NCALD: variants seen among roughly 807,000 people sequenced by gnomAD.
NCALD encodes neurocalcin-delta.
A neutral mutation model predicts 18.6 loss-of-function variants in NCALD; 10 were observed. The ratio of observed to expected loss-of-function variants is 0.54; its 90% CI spans 0.33 to 0.91. NCALD has a LOEUF of 0.91. NCALD is among the 40% of genes least tolerant of loss of function. The probability of loss-of-function intolerance (pLI) is 0.03; values close to 1 mark genes in which losing one functional copy is unlikely to be tolerated. For synonymous variants in NCALD, 88 were observed against 87.4 expected, an observed-to-expected ratio of 1.01 and a Z score of -0.04; for missense variants, 184 against 247.6, an observed-to-expected ratio of 0.74 and a Z score of 1.72.
At chr8:102,043,104 A>T (rs559796713) in intron 1 of NCALD, among the ~76,000 whole-genome samples, 1 of 151,878 alleles carries the variant, frequency 6.6e-6, no homozygotes, top group Non-Finnish European at 1.5e-5. Flanking sequence ...ACCAAAGTAT[A>T]ACCTCACCTC....
At chr8:102,065,776 C>A (rs1274027833) in intron 1 of NCALD, among the ~76,000 whole-genome samples, 1 of 152,072 alleles carries the variant, frequency 6.6e-6, no homozygotes, top group Non-Finnish European at 1.5e-5. Flanking sequence ...GAGTTCAAGA[C>A]CAGCCTGGGC....
chr8:101,927,546 G>C (rs1818382352), intron 2 of NCALD, among the ~76,000 whole-genome samples: 1 of 152,192 alleles, frequency 6.6e-6, no homozygotes, highest in Admixed American at 6.5e-5. Context: ...AATCTAAGCA[G>C]AGGGAACAGC....
upstream of NCALD, among the ~76,000 whole-genome samples, chr8:101,795,305 T>C (rs1170183324): frequency 6.6e-6 from 1 of 152,160 alleles, no homozygotes; most frequent in Non-Finnish European, 1.5e-5. Flanking sequence ...GGAAAATATA[T>C]TGAGCGTCTT....
chr8:101,704,928 T>C (rs529192927), intron 2 of NCALD, among the ~76,000 whole-genome samples: 4 of 129,956 alleles, frequency 3.1e-5, no homozygotes, highest in East Asian at 2.3e-4. Context: ...GTCAAAAAAA[T>C]AAAAAATAAA....
chr8:101,930,955 A>G (rs1818550041), intron 2 of NCALD, among the ~76,000 whole-genome samples: 1 of 152,116 alleles, frequency 6.6e-6, no homozygotes, highest in Non-Finnish European at 1.5e-5. Context: ...GGCTTATACA[A>G]TTCCTTTTTT....
At chr8:102,043,485 CA>C (rs1258784981) in intron 1 of NCALD, among the ~76,000 whole-genome samples, 5 of 151,496 alleles carry the variant, frequency 3.3e-5, no homozygotes, top group Non-Finnish European at 2.9e-5. Context: ...TGGATGCAAG[CA>C]AAATGCTGTA....
chr8:102,048,443 GC>G (rs1207113781), intron 1 of NCALD, among the ~76,000 whole-genome samples: 1 of 152,142 alleles, frequency 6.6e-6, no homozygotes, highest in Non-Finnish European at 1.5e-5. Flanking sequence ...TACTGCTGCT[GC>G]TGACCACTCA....
chr8:101,830,740 C>G (rs200074634), intron 4 of NCALD, among the ~76,000 whole-genome samples: 1 of 132,062 alleles, frequency 7.6e-6, no homozygotes, highest in Non-Finnish European at 1.6e-5. Context: ...GAGAGGAATA[C>G]TTTTTTTTTT....
intron 2 of NCALD, among the ~76,000 whole-genome samples, chr8:101,975,744 A>C (rs1820397973): frequency 6.6e-6 from 1 of 152,202 alleles, no homozygotes; most frequent in Non-Finnish European, 1.5e-5. Context: ...CCTTATTTTA[A>C]TATGGGATTT....
chr8:101,880,745 ATGAT>A (rs1816461359), intron 4 of NCALD, among the ~76,000 whole-genome samples: 1 of 152,378 alleles, frequency 6.6e-6, no homozygotes, highest in Admixed American at 6.5e-5. Flanking sequence ...TGTGAAATAA[ATGAT>A]TAAGAGTGGA....
chr8:101,887,249 G>A (rs555203941), intron 3 of NCALD: 16 of 152,246 alleles, frequency 1.1e-4, no homozygotes, highest in South Asian at 6.2e-4. Context: ...CATAATTAGC[G>A]AATATTGTAC....
chr8:102,066,706 A>C (rs1361255973), intron 1 of NCALD, among the ~76,000 whole-genome samples: 1 of 152,208 alleles, frequency 6.6e-6, no homozygotes, highest in Non-Finnish European at 1.5e-5. Context: ...GGAAGCTTCC[A>C]CCTAATTCTT....
At chr8:101,963,767 A>C (rs1819921695) in intron 2 of NCALD, among the ~76,000 whole-genome samples, 1 of 152,154 alleles carries the variant, frequency 6.6e-6, no homozygotes, top group Non-Finnish European at 1.5e-5. Flanking sequence ...AAATGAGGGC[A>C]TCACAAACAC....
chr8:101,952,028 T>C (rs981252190), intron 2 of NCALD, among the ~76,000 whole-genome samples: 2 of 152,148 alleles, frequency 1.3e-5, no homozygotes, highest in Non-Finnish European at 2.9e-5. Context: ...TTTTATCATG[T>C]CAACAAAAAA....
At chr8:101,829,092 T>G (rs886405707) in intron 4 of NCALD, among the ~76,000 whole-genome samples, 3 of 152,214 alleles carry the variant, frequency 2.0e-5, no homozygotes, top group African/African-American at 4.8e-5. Flanking sequence ...ACAGCCTTCC[T>G]GGGTCAGTTA....
chr8:101,862,443 G>C (rs1384503016), intron 4 of NCALD, among the ~76,000 whole-genome samples: 1 of 152,156 alleles, frequency 6.6e-6, no homozygotes, highest in Non-Finnish European at 1.5e-5. Flanking sequence ...AGCCTCCTTA[G>C]TCTTAATCTT....
intron 1 of NCALD, among the ~76,000 whole-genome samples, chr8:101,753,490 A>G (rs1486065908): frequency 6.6e-6 from 1 of 152,200 alleles, no homozygotes; most frequent in East Asian, 1.9e-4. Context: ...ACCCTCTACA[A>G]TGTCATGTTT....
chr8:101,769,176 G>C (rs1811478061), intron 1 of NCALD, among the ~76,000 whole-genome samples: 1 of 152,212 alleles, frequency 6.6e-6, no homozygotes, highest in Admixed American at 6.5e-5. Flanking sequence ...CTGACCTCCA[G>C]AACTGTAAAA....
At chr8:101,910,988 G>C (rs1340779696) in intron 3 of NCALD, among the ~76,000 whole-genome samples, 1 of 152,084 alleles carries the variant, frequency 6.6e-6, no homozygotes, top group Non-Finnish European at 1.5e-5. Flanking sequence ...TCACAAACAG[G>C]AAAGGTTACT....
Sources: gnomAD v4.1 joint callset for allele counts (sites outside exome capture counted in the v4.1 genomes callset) on GRCh38, gnomAD v4.1.1 for gene constraint, MANE v1.5 for transcripts, NCBI Gene and HGNC (gene_info 2026-07-23, HGNC 2026-07-21) for gene names.